DLGAP2: variants seen among roughly 807,000 people sequenced by gnomAD.
The protein encoded by DLGAP2 is DLG associated protein 2, also known as disks large-associated protein 2.
In DLGAP2, 26 loss-of-function variants were observed where a neutral mutation model predicts 100.3. The observed-to-expected ratio is 0.26, with a 90% CI of 0.19 to 0.36. The LOEUF (loss-of-function observed/expected upper bound fraction) is 0.36. Among genes scored for constraint, DLGAP2 ranks in the 10% least tolerant of loss-of-function variants. The pLI, the probability that DLGAP2 is intolerant of heterozygous loss-of-function variation, is 1.00. For synonymous variants in DLGAP2, 886 were observed against 630.1 expected (o/e 1.41, Z -6.08); for missense variants, 1,858 against 1,453.2 (o/e 1.28, Z -4.53).
At chr8:1,517,456 C>G (rs919923038) in intron 4 of DLGAP2, among the ~76,000 whole-genome samples, 7 of 152,142 alleles carry the variant, frequency 4.6e-5, no homozygotes, top group African/African-American at 7.2e-5. Context: ...TTCCCCACCC[C>G]CTGCTCCACT....
At chr8:1,624,231 G>A (rs560589979) in intron 6 of DLGAP2, among the ~76,000 whole-genome samples, 1 of 152,200 alleles carries the variant, frequency 6.6e-6, no homozygotes, top group Admixed American at 6.5e-5. Flanking sequence ...GTAATTGGTA[G>A]AAAGTGCCGA....
At chr8:791,418 A>G (rs1822023331) in intron 1 of DLGAP2, among the ~76,000 whole-genome samples, 1 of 152,200 alleles carries the variant, frequency 6.6e-6, no homozygotes, top group South Asian at 2.1e-4. Context: ...AATGTTCTAA[A>G]AAATATTGTA....
chr8:1,616,102 T>C (rs775242823), intron 6 of DLGAP2, among the ~76,000 whole-genome samples: 8 of 152,102 alleles, frequency 5.3e-5, no homozygotes, highest in Non-Finnish European at 7.4e-5. Flanking sequence ...AAAACCACAA[T>C]ATCTGAAATG....
At chr8:824,872 C>G (rs1301545173) in intron 1 of DLGAP2, among the ~76,000 whole-genome samples, 2 of 152,154 alleles carry the variant, frequency 1.3e-5, no homozygotes, top group African/African-American at 2.4e-5. Context: ...CACTGGAGCA[C>G]CCCGCATTGT....
chr8:1,649,591 C>A (rs996944113), intron 8 of DLGAP2, among the ~76,000 whole-genome samples: 1 of 152,084 alleles, frequency 6.6e-6, no homozygotes, highest in Non-Finnish European at 1.5e-5. Context: ...AGATCTGTAT[C>A]ACTACTGATA....
At chr8:1,639,453 G>A (rs1461628704) in intron 8 of DLGAP2, among the ~76,000 whole-genome samples, 3 of 152,114 alleles carry the variant, frequency 2.0e-5, no homozygotes, top group African/African-American at 7.2e-5. Flanking sequence ...GGAGCAGCAG[G>A]GGTCCTGTGC....
intron 2 of DLGAP2, among the ~76,000 whole-genome samples, chr8:1,094,133 C>A (rs1804288521): frequency 6.6e-6 from 1 of 151,928 alleles, no homozygotes; most frequent in Non-Finnish European, 1.5e-5. Flanking sequence ...GGGCAGGGGG[C>A]AGTTTGTGCT....
chr8:1,269,824 C>T (rs970949893), intron 3 of DLGAP2, among the ~76,000 whole-genome samples: 2 of 152,044 alleles, frequency 1.3e-5, no homozygotes, highest in African/African-American at 2.4e-5. Context: ...TAGAGAATCA[C>T]CGTGGTGTAA....
intron 4 of DLGAP2, among the ~76,000 whole-genome samples, chr8:1,511,805 A>G (rs998046729): frequency 1.4e-5 from 2 of 146,814 alleles, no homozygotes; most frequent in Non-Finnish European, 3.0e-5. Flanking sequence ...ACCATCTTCC[A>G]TAGACGTAAG....
At chr8:746,984 C>T (rs956652438) in intron 1 of DLGAP2, among the ~76,000 whole-genome samples, 4 of 152,286 alleles carry the variant, frequency 2.6e-5, no homozygotes, top group African/African-American at 9.6e-5. Flanking sequence ...GGAAGACCTC[C>T]CCTCACATCT....
At chr8:1,437,179 C>T (rs991470607) in intron 3 of DLGAP2, among the ~76,000 whole-genome samples, 2 of 149,552 alleles carry the variant, frequency 1.3e-5, no homozygotes, top group East Asian at 4.1e-4. Context: ...AGGGTGACGC[C>T]ATCCGGGTCT....
intron 11 of DLGAP2, among the ~76,000 whole-genome samples, chr8:1,676,964 C>T (rs897668371): frequency 5.9e-5 from 9 of 152,132 alleles, no homozygotes; most frequent in African/African-American, 1.9e-4. Context: ...ACACGTAAAA[C>T]GATAGAAAGA....
chr8:1,036,158 T>C (rs546113986), intron 2 of DLGAP2, among the ~76,000 whole-genome samples: 3 of 130,386 alleles, frequency 2.3e-5, no homozygotes, highest in Admixed American at 7.7e-5. Context: ...CGCGAGTGGA[T>C]TCACACGCTC....
At chr8:1,571,352 A>G (rs1359618849) in intron 6 of DLGAP2, among the ~76,000 whole-genome samples, 123 of 88,718 alleles carry the variant, frequency 1.4e-3, no homozygotes, top group East Asian at 1.7e-3. Context: ...CTGTGGGGGC[A>G]TCTGATGAGA....
chr8:1,593,407 A>G (rs1796349741), intron 6 of DLGAP2, among the ~76,000 whole-genome samples: 1 of 152,110 alleles, frequency 6.6e-6, no homozygotes, highest in African/African-American at 2.4e-5. Flanking sequence ...GTGAGCCGAG[A>G]TCGCGCCACT....
chr8:1,028,221 T>C (rs1487120666), intron 2 of DLGAP2, among the ~76,000 whole-genome samples: 35 of 81,940 alleles, frequency 4.3e-4, no homozygotes, highest in Admixed American at 7.1e-4. Context: ...AGGTGGGGTG[T>C]CAGGCGCCCG....
chr8:1,210,167 C>T (rs932914405), intron 2 of DLGAP2, among the ~76,000 whole-genome samples: 1 of 152,138 alleles, frequency 6.6e-6, no homozygotes, highest in African/African-American at 2.4e-5. Context: ...GGTTCCAGGC[C>T]AGGCTCTGTG....
chr8:1,193,856 G>A (rs1797692861), intron 2 of DLGAP2, among the ~76,000 whole-genome samples: 1 of 152,092 alleles, frequency 6.6e-6, no homozygotes, highest in African/African-American at 2.4e-5. Context: ...CCCAGCGTCG[G>A]CCTCTAGAGC....
At chr8:1,497,973 A>T (rs1194808153) in intron 3 of DLGAP2, among the ~76,000 whole-genome samples, 1 of 152,194 alleles carries the variant, frequency 6.6e-6, no homozygotes, top group Non-Finnish European at 1.5e-5. Flanking sequence ...TGTGGTCAAG[A>T]TACAGCTTTT....
Sources: allele counts gnomAD v4.1 joint callset (sites outside exome capture counted in the v4.1 genomes callset), GRCh38; gene constraint gnomAD v4.1.1; transcripts MANE v1.5; gene names NCBI Gene and HGNC (gene_info 2026-07-23, HGNC 2026-07-21).